Variants in CRADD observed in about 807,000 individuals in gnomAD.
The protein encoded by CRADD is CARD and death domain containing adaptor protein.
In CRADD, 9 loss-of-function variants were observed where a neutral mutation model predicts 15.5. The ratio of observed to expected loss-of-function variants is 0.58; its 90% CI spans 0.35 to 1.01. The LOEUF (loss-of-function observed/expected upper bound fraction) is 1.01, where lower values mean the gene tolerates loss of function less well. Ranked by LOEUF, CRADD falls within the 50% of genes least tolerant of loss-of-function variation. CRADD has a pLI of 0.02. For synonymous variants in CRADD, 118 were observed against 107.6 expected (o/e 1.10, Z -0.60); for missense variants, 227 against 250.3 (o/e 0.91, Z 0.63).
intron 2 of CRADD, among the ~76,000 whole-genome samples, chr12:93,773,204 A>C (rs4411314): frequency 6.6e-6 from 1 of 151,970 alleles, no homozygotes; most frequent in African/African-American, 2.4e-5. Context: ...AAGAACTCCA[A>C]ATCTCAGTGG....
chr12:93,800,320 A>T (rs770688793), intron 2 of CRADD, among the ~76,000 whole-genome samples: 1 of 152,126 alleles, frequency 6.6e-6, no homozygotes, highest in Non-Finnish European at 1.5e-5. Flanking sequence ...CAGCTCAAGA[A>T]GAGAGAAAAT....
intron 2 of CRADD, chr12:93,737,795 A>T (rs1956599416): frequency 6.5e-6 from 1 of 153,372 alleles, no homozygotes; most frequent in Non-Finnish European, 1.5e-5. Context: ...TTCCCGGGCC[A>T]GGGAGCTGTG....
At chr12:93,744,792 C>T (rs1956727587) in intron 2 of CRADD, among the ~76,000 whole-genome samples, 1 of 152,144 alleles carries the variant, frequency 6.6e-6, no homozygotes, top group African/African-American at 2.4e-5. Context: ...AATAAACATT[C>T]ACCATAAGTA....
At chr12:93,770,116 G>C (rs1225423783) in intron 2 of CRADD, among the ~76,000 whole-genome samples, 2 of 85,358 alleles carry the variant, frequency 2.3e-5, no homozygotes, top group East Asian at 1.0e-3. Flanking sequence ...TTTTTTTTGA[G>C]ACGGAGTCTC....
intron 2 of CRADD, among the ~76,000 whole-genome samples, chr12:93,754,438 C>A (rs1337978683): frequency 6.6e-6 from 1 of 152,226 alleles, no homozygotes; most frequent in Non-Finnish European, 1.5e-5. Context: ...TAGGGGTTTT[C>A]TTTTCTGTTG....
intron 2 of CRADD, among the ~76,000 whole-genome samples, chr12:93,781,555 C>T (rs529208928): frequency 5.9e-5 from 9 of 152,274 alleles, no homozygotes; most frequent in African/African-American, 1.9e-4. Flanking sequence ...AACACTTGAA[C>T]CCACGGATCA....
At chr12:93,870,391 A>G (rs1958408121) in intron 2 of CRADD, among the ~76,000 whole-genome samples, 1 of 152,178 alleles carries the variant, frequency 6.6e-6, no homozygotes, top group African/African-American at 2.4e-5. Flanking sequence ...AGAATGTGCA[A>G]CTAAGAAAAT....
chr12:93,770,221 G>A (rs976655446), intron 2 of CRADD, among the ~76,000 whole-genome samples: 2 of 148,580 alleles, frequency 1.3e-5, no homozygotes, highest in Non-Finnish European at 1.5e-5. Flanking sequence ...TCAGCCTCCC[G>A]AGTAGCTGGG....
intron 2 of CRADD, among the ~76,000 whole-genome samples, chr12:93,857,201 A>G (rs886349826): frequency 6.6e-6 from 1 of 152,012 alleles, no homozygotes; most frequent in African/African-American, 2.4e-5. Flanking sequence ...TTCATATTCT[A>G]TCTCTAAGCA....
intron 2 of CRADD, among the ~76,000 whole-genome samples, chr12:93,707,213 T>A (rs1271106536): frequency 6.6e-6 from 1 of 152,244 alleles, no homozygotes; most frequent in Non-Finnish European, 1.5e-5. Flanking sequence ...CTCTTGTGAG[T>A]TCTGGATCAG....
chr12:93,893,508 TAAAG>T (rs1485399467), intron 2 of CRADD, among the ~76,000 whole-genome samples: 8 of 149,608 alleles, frequency 5.3e-5, no homozygotes, highest in Admixed American at 5.3e-4. Context: ...AGAAAAAAAA[TAAAG>T]AGAAAAGCTT....
chr12:93,764,947 A>C (rs543974740), intron 2 of CRADD, among the ~76,000 whole-genome samples: 1 of 152,184 alleles, frequency 6.6e-6, no homozygotes, highest in Non-Finnish European at 1.5e-5. Flanking sequence ...TTTGGGGAAA[A>C]AAATCCCATG....
intron 2 of CRADD, among the ~76,000 whole-genome samples, chr12:93,759,078 T>C (rs12301918): frequency 0.038 from 5,791 of 152,280 alleles, 282 homozygotes; most frequent in East Asian, 0.2. Flanking sequence ...AAGTGTAGAA[T>C]GTTTTATTAC....
At chr12:93,849,920 ATG>A (rs754455695) in intron 2 of CRADD, 48 bp from the exon 3 acceptor site, 2 of 1,040,942 alleles carry the variant, frequency 1.9e-6, no homozygotes, top group Non-Finnish European at 3.0e-6. Context: ...CCCCCAAATG[ATG>A]TGTTTGTTGC....
chr12:93,761,975 T>C (rs1025571409), intron 2 of CRADD, among the ~76,000 whole-genome samples: 2 of 152,218 alleles, frequency 1.3e-5, no homozygotes, highest in Non-Finnish European at 2.9e-5. Flanking sequence ...CCTGCCATCT[T>C]CTGTGCTTTG....
intron 2 of CRADD, among the ~76,000 whole-genome samples, chr12:93,776,469 T>C (rs1283811326): frequency 6.6e-6 from 1 of 152,210 alleles, no homozygotes; most frequent in Non-Finnish European, 1.5e-5. Context: ...TTTCATTGTA[T>C]CCGCAGGGTA....
At chr12:93,742,071 A>C (rs1956677664) in intron 2 of CRADD, among the ~76,000 whole-genome samples, 1 of 152,128 alleles carries the variant, frequency 6.6e-6, no homozygotes, top group African/African-American at 2.4e-5. Flanking sequence ...GGCGCCCCTC[A>C]AACCACCTCG....
intron 2 of CRADD, among the ~76,000 whole-genome samples, chr12:93,741,985 G>A (rs1956675863): frequency 2.0e-5 from 3 of 152,118 alleles, no homozygotes; most frequent in Admixed American, 1.3e-4. Context: ...TGATTTGCTA[G>A]CCATTGTTAT....
intron 2 of CRADD, among the ~76,000 whole-genome samples, chr12:93,867,832 G>T (rs1393130044): frequency 6.6e-6 from 1 of 152,090 alleles, no homozygotes; most frequent in Admixed American, 6.6e-5. Context: ...TTTTGAGTGG[G>T]GGGCCCAGAG....
Sources: gnomAD v4.1 joint callset for allele counts (sites outside exome capture counted in the v4.1 genomes callset) on GRCh38, gnomAD v4.1.1 for gene constraint, MANE v1.5 for transcripts, NCBI Gene and HGNC (gene_info 2026-07-23, HGNC 2026-07-21) for gene names.